The following C5orf58 variants were observed in gnomAD, a reference collection of about 807,000 sequenced individuals.
C5orf58 encodes putative uncharacterized protein C5orf58.
A neutral mutation model predicts 2.9 loss-of-function variants in C5orf58; 2 were observed. That is an observed-to-expected ratio of 0.69 (90% confidence interval 0.28 to 2.18). C5orf58 has a LOEUF of 2.18. Among genes scored for constraint, C5orf58 ranks in the 30% most tolerant of loss-of-function variants. The pLI is 0.13. For missense variants in C5orf58, 96 were observed against 91.7 expected (o/e 1.05, Z -0.19); for synonymous variants, 37 against 33.4 (o/e 1.11, Z -0.37).
chr5:170,241,823 G>GA (rs1561958944), intron 3 of C5orf58, among the ~76,000 whole-genome samples: 1 of 150,790 alleles, frequency 6.6e-6, no homozygotes. Context: ...TGTTGAATAG[G>GA]ACTGGTGAGA....
chr5:170,236,343 T>A (rs570473981), intron 3 of C5orf58, among the ~76,000 whole-genome samples: 6 of 152,340 alleles, frequency 3.9e-5, no homozygotes, highest in African/African-American at 1.4e-4. Flanking sequence ...TCAAGCAATG[T>A]TAATAGATGG....
downstream of C5orf58, chr5:170,248,958 A>G: frequency 1.3e-6 from 1 of 790,156 alleles, no homozygotes. Context: ...AAATGTGGCA[A>G]TTAGTTTAAT....
At chr5:170,251,969 A>C in exon 3 of C5orf58, 1 of 239,322 alleles carries the variant, frequency 4.2e-6, no homozygotes, top group Non-Finnish European at 8.7e-6. Flanking sequence ...AAATATGTTT[A>C]AGACTTTATG....
At position 170,246,024 on chromosome 5, in the gene C5orf58, A is replaced by T; in HGVS notation, c.157A>T (p.Asn53Tyr). 6.8e-6 allele frequency: 11 copies of T among 1,613,778 alleles called. No homozygotes were observed. The highest frequency in any genetic ancestry group is 9.3e-6 in the Non-Finnish European group (11 of 1,179,736). ...LHFNHPIKTENLAEAERNNPL... is the reference protein window; with the variant it reads ...LHFNHPIKTEYLAEAERNNPL... ...TTTTAATCATCCCATCAAGACTGAGAACTTAGCAGAAGCAGAAAGAAACAA... is the reference window on the plus strand; with the variant it reads ...TTTTAATCATCCCATCAAGACTGAGTACTTAGCAGAAGCAGAAAGAAACAA... The change falls in exon 4 of 4, where the codon AAC (asparagine) becomes TAC (tyrosine). Residue 53 changes from asparagine (N) to tyrosine (Y), a missense_variant. Physicochemically the swap from Asn to Tyr is moderately radical, Grantham distance 143. Transcript: ENST00000593851.
At chr5:170,244,622 A>C (rs1303708852) in intron 3 of C5orf58, among the ~76,000 whole-genome samples, 6 of 151,728 alleles carry the variant, frequency 4.0e-5, no homozygotes, top group Non-Finnish European at 5.9e-5. Context: ...CTTGGTTTTC[A>C]GCTCCATCAG....
chr5:170,243,221 G>A (rs1761099261), intron 3 of C5orf58, among the ~76,000 whole-genome samples: 1 of 149,666 alleles, frequency 6.7e-6, no homozygotes, highest in South Asian at 2.1e-4. Flanking sequence ...TTTGGAATAG[G>A]TGTGGTGTGG....
chr5:170,251,586 G>T, intron 2 of C5orf58: 1 of 455,552 alleles, frequency 2.2e-6, no homozygotes, highest in Admixed American at 2.3e-5. Flanking sequence ...TACCAAATCA[G>T]GATAGCTTTA....
At chr5:170,233,887 C>T (rs1760627521) in intron 1 of C5orf58, 1 of 359,044 alleles carries the variant, frequency 2.8e-6, no homozygotes, top group Non-Finnish European at 5.4e-6. Flanking sequence ...CTGTCTTGGG[C>T]TCTAAAATCA....
chr5:170,250,460 G>A (rs1761409881), downstream of C5orf58, among the ~76,000 whole-genome samples: 1 of 152,146 alleles, frequency 6.6e-6, no homozygotes, highest in Admixed American at 6.5e-5. Flanking sequence ...CATCTAAATA[G>A]ATTTTTTTAA....
chr5:170,235,021 AG>A lies in C5orf58; in HGVS notation c.46del (p.Val16Ter). ...CTGATCATAAGCTAAATGTGGACAA[AG>A]TAATTAAAAATATTAACACAATTTC... The part of the protein sequence containing the change: ...VTDHKLNVDK[V>X]IKNINTISSE... On this transcript the variant is annotated frameshift_variant, in exon 3 of 4. Coordinates refer to ENST00000593851, the MANE Select transcript of C5orf58 (RefSeq NM_001102609.3). LOFTEE classifies it high-confidence loss of function. 8 of 1,552,334 alleles carry A rather than the reference AG, an allele frequency of 5.2e-6. No homozygotes were observed. Among genetic ancestry groups the A allele is most frequent in the Non-Finnish European group, 6.2e-6 (7 of 1,133,354 alleles).
chr5:170,249,390 C>A (rs1232421838), downstream of C5orf58, among the ~76,000 whole-genome samples: 3 of 141,280 alleles, frequency 2.1e-5, no homozygotes, highest in East Asian at 2.0e-4. Context: ...ATCTACATAT[C>A]TATATATATA....
chr5:170,237,547 C>T (rs1288610853), intron 3 of C5orf58, among the ~76,000 whole-genome samples: 2 of 152,070 alleles, frequency 1.3e-5, no homozygotes, highest in African/African-American at 4.8e-5. Flanking sequence ...AATGGAGAAG[C>T]AAATAGACAA....
intron 3 of C5orf58, among the ~76,000 whole-genome samples, chr5:170,245,639 C>G (rs4605806): frequency 1.3e-5 from 2 of 152,300 alleles, no homozygotes; most frequent in East Asian, 3.9e-4. Context: ...GCTCGCACAC[C>G]GTGCGCGCAC....
downstream of C5orf58, among the ~76,000 whole-genome samples, chr5:170,249,031 T>G (rs1488717851): frequency 6.6e-6 from 1 of 152,080 alleles, no homozygotes; most frequent in Non-Finnish European, 1.5e-5. Context: ...TAGATAAAGA[T>G]AAAATATGGG....
At chr5:170,252,514 GA>G (rs767137025), downstream of C5orf58, 4 of 1,489,976 alleles carry the variant, frequency 2.7e-6, no homozygotes, top group Admixed American at 1.8e-5. Flanking sequence ...AATGAATTCT[GA>G]AAATGTAAAT....
At chr5:170,248,938 GA>G (rs111364433), downstream of C5orf58, 4,760 of 992,178 alleles carry the variant, frequency 4.8e-3, 31 homozygotes, top group Middle Eastern at 0.035. Context: ...ATTGTGGGGG[GA>G]AAAAATGTAA....
At chr5:170,245,696 C>G (rs1475922955) in intron 3 of C5orf58, among the ~76,000 whole-genome samples, 1 of 152,198 alleles carries the variant, frequency 6.6e-6, no homozygotes, top group Admixed American at 6.5e-5. Flanking sequence ...GAGATGAACC[C>G]GGTACCTCAG....
chr5:170,246,179 A>C lies in C5orf58; in HGVS notation c.*66A>C. On this transcript the variant is annotated 3_prime_UTR_variant, in exon 4 of 4. Transcript: ENST00000593851. ...ACAAATATTTGGGAGAGTTGAGTTT[A>C]CTAATTTGTATATATATAATTTAAA... The C allele has an allele frequency of 7.7e-7, 1 of 1,290,854 alleles. No homozygotes were observed. The highest frequency in any genetic ancestry group is 2.4e-5 in the East Asian group (1 of 42,332). 80.0% of individuals were successfully genotyped at this position (1,290,854 alleles called of 1,614,324 possible). A position where few individuals can be genotyped will look rare whatever the true frequency, so the allele number is the denominator to read the frequency against.
intron 3 of C5orf58, among the ~76,000 whole-genome samples, chr5:170,238,172 A>G (rs1304258582): frequency 3.9e-5 from 6 of 152,202 alleles, no homozygotes; most frequent in Non-Finnish European, 8.8e-5. Context: ...AAAAGCAGAG[A>G]AAAAATCAAC....
Sources: allele counts gnomAD v4.1 joint callset (sites outside exome capture counted in the v4.1 genomes callset), GRCh38; gene constraint gnomAD v4.1.1; transcripts MANE v1.5; gene names NCBI Gene and HGNC (gene_info 2026-07-23, HGNC 2026-07-21).